ETS1: variants seen among roughly 807,000 people sequenced by gnomAD.
ETS1 encodes protein C-ets-1.
ETS1 carries 15 observed loss-of-function variants against 58.6 expected under a neutral mutation model. The ratio of observed to expected loss-of-function variants is 0.26; its 90% CI spans 0.17 to 0.39. The LOEUF is 0.39. ETS1 is among the 10% of genes least tolerant of loss of function. ETS1 has a pLI of 1.00. For missense variants in ETS1, 417 were observed against 610.5 expected (o/e 0.68, Z 3.34); for synonymous variants, 214 against 218.2 (o/e 0.98, Z 0.17).
intron 8 of ETS1, among the ~76,000 whole-genome samples, chr11:128,477,902 C>T (rs940889770): frequency 6.6e-6 from 1 of 152,092 alleles, no homozygotes; most frequent in Non-Finnish European, 1.5e-5. Context: ...AATTCAATTA[C>T]ACTTTCACAG....
intron 7 of ETS1, among the ~76,000 whole-genome samples, chr11:128,482,801 C>T (rs968676631): frequency 1.3e-5 from 2 of 152,078 alleles, no homozygotes; most frequent in African/African-American, 4.8e-5. Context: ...CTGAGAAGGG[C>T]CTCGGCGAGC....
intron 3 of ETS1, among the ~76,000 whole-genome samples, chr11:128,518,571 C>T (rs1421364613): frequency 6.6e-6 from 1 of 152,230 alleles, no homozygotes; most frequent in Non-Finnish European, 1.5e-5. Context: ...CACACAGCTG[C>T]TAAGTGGCCG....
intron 3 of ETS1, among the ~76,000 whole-genome samples, chr11:128,554,999 T>C (rs889828649): frequency 6.6e-6 from 1 of 152,178 alleles, no homozygotes; most frequent in Non-Finnish European, 1.5e-5. Flanking sequence ...TTTGTATTTA[T>C]GCTTAGAAGA....
chr11:128,559,563 T>C (rs1032263358), intron 2 of ETS1, among the ~76,000 whole-genome samples: 1 of 152,236 alleles, frequency 6.6e-6, no homozygotes, highest in African/African-American at 2.4e-5. Context: ...GTGGAGCCAC[T>C]GGATCCTATT....
chr11:128,585,078 GAAAGA>G (rs1864972387), intron 1 of ETS1, among the ~76,000 whole-genome samples: 2 of 17,618 alleles, frequency 1.1e-4, no homozygotes, highest in African/African-American at 5.8e-4. Flanking sequence ...GAAAGAAAGA[GAAAGA>G]AAGAAAGGAA....
chr11:128,577,835 T>A (rs150963882), intron 1 of ETS1, among the ~76,000 whole-genome samples: 3,020 of 151,034 alleles, frequency 0.02, 56 homozygotes, highest in Non-Finnish European at 0.027. Context: ...AATAAACGTG[T>A]GCAATGCTAA....
chr11:128,510,317 C>A (rs1440488158), intron 3 of ETS1, among the ~76,000 whole-genome samples: 1 of 152,226 alleles, frequency 6.6e-6, no homozygotes, highest in Non-Finnish European at 1.5e-5. Flanking sequence ...CTAGGAGCAT[C>A]CTTCTTGGAG....
At chr11:128,586,539 T>A (rs1367671620) in intron 1 of ETS1, among the ~76,000 whole-genome samples, 1 of 152,230 alleles carries the variant, frequency 6.6e-6, no homozygotes, top group Non-Finnish European at 1.5e-5. Context: ...CATTTTAGAA[T>A]TGGTATTTCC....
Position 128,480,268 on chromosome 11 carries a change from T to C in ETS1, c.1046A>G (p.Lys349Arg), listed in dbSNP as rs1225665990. Reference protein sequence around the residue: ...LPNHKPKGTFKDYVRDRADLN... With the variant: ...LPNHKPKGTFRDYVRDRADLN... Reference sequence around the variant, plus strand: ...GTCAGCACGGTCCCGCACATAGTCCTTGAAGGTGCCCTTGGGCTTGTGGTT... The same window carrying C: ...GTCAGCACGGTCCCGCACATAGTCCCTGAAGGTGCCCTTGGGCTTGTGGTT... Residue 349 changes from lysine to arginine, a missense_variant, in exon 8 of 10, where the codon AAG (lysine) becomes AGG (arginine). By Grantham distance (26) the Lys-to-Arg change is conservative. This residue lies in a region of ETS1 where 139 missense variants were observed against 152.1 expected (regional missense o/e 0.91). Transcript: ENST00000392668. The C allele has an allele frequency of 6.2e-7, 1 of 1,614,136 alleles. No individual in the cohort carries two copies. The highest frequency in any genetic ancestry group is 2.2e-5 in the East Asian group (1 of 44,848).
chr11:128,503,369 C>T (rs183352584), intron 3 of ETS1, among the ~76,000 whole-genome samples: 4 of 152,284 alleles, frequency 2.6e-5, no homozygotes, highest in East Asian at 1.9e-4. Context: ...GGATGCATCA[C>T]GTTCCTTCCC....
intron 3 of ETS1, among the ~76,000 whole-genome samples, chr11:128,528,503 C>T (rs1472152468): frequency 1.3e-5 from 2 of 152,170 alleles, no homozygotes; most frequent in African/African-American, 4.8e-5. Flanking sequence ...CTCAAGAGCA[C>T]ACTCCTAGTA....
intron 3 of ETS1, among the ~76,000 whole-genome samples, chr11:128,514,214 T>C (rs1488948282): frequency 6.6e-6 from 1 of 152,140 alleles, no homozygotes; most frequent in African/African-American, 2.4e-5. Flanking sequence ...ATACAGAGGT[T>C]TTAACAACAG....
At chr11:128,552,271 T>C (rs528191468) in intron 3 of ETS1, among the ~76,000 whole-genome samples, 1 of 152,304 alleles carries the variant, frequency 6.6e-6, no homozygotes, top group East Asian at 1.9e-4. Flanking sequence ...TAAATAGATG[T>C]CCTTTCTCAT....
intron 3 of ETS1, chr11:128,521,947 C>T (rs368728745): frequency 4.1e-5 from 66 of 1,607,290 alleles, no homozygotes; most frequent in Non-Finnish European, 5.3e-5. Flanking sequence ...CGACTTTTTC[C>T]GTCTTGATGA....
In ETS1 at chr11:128,514,990, A is replaced by C. The variant is rs558541941; in HGVS notation, c.215-24414T>G. Among the ~76,000 whole-genome samples the C allele has an allele frequency of 6.6e-5, 10 of 151,996 alleles. No homozygotes were observed. In the South Asian group the frequency reaches 2.1e-3, roughly 32 times the overall value. On this transcript the variant is annotated intron_variant, in intron 3 of 9. Coordinates refer to ENST00000392668, the MANE Select transcript of ETS1 (RefSeq NM_001143820.2). Reference sequence around the variant, plus strand: ...TCTTATTCTTGTCTTTTTTTAATTCAAAAAGAATTTTGCAATTGAATCCAC... The same window carrying C: ...TCTTATTCTTGTCTTTTTTTAATTCCAAAAGAATTTTGCAATTGAATCCAC...
At chr11:128,465,357 G>A (rs1425978829) in intron 8 of ETS1, among the ~76,000 whole-genome samples, 1 of 152,224 alleles carries the variant, frequency 6.6e-6, no homozygotes, top group East Asian at 1.9e-4. Context: ...TGGTAAAGCC[G>A]TAGCTTCCTC....
intron 7 of ETS1, among the ~76,000 whole-genome samples, chr11:128,481,119 C>A (rs2135442924): frequency 6.6e-6 from 1 of 151,628 alleles, no homozygotes; most frequent in African/African-American, 2.4e-5. Flanking sequence ...TTTAAAATCA[C>A]ACACACTATC....
chr11:128,504,352 C>T (rs1037560839), intron 3 of ETS1, among the ~76,000 whole-genome samples: 1 of 152,200 alleles, frequency 6.6e-6, no homozygotes, highest in Non-Finnish European at 1.5e-5. Context: ...CCCGCCCTCA[C>T]TATAGCTATA....
At chr11:128,490,624 A>ATGATTGGTTCATT in intron 3 of ETS1, 48 bp from the exon 4 acceptor site, 1 of 1,488,284 alleles carries the variant, frequency 6.7e-7, no homozygotes, top group Non-Finnish European at 9.3e-7. Flanking sequence ...ATAGGTAATG[A>ATGATTGGTTCATT]ACCAATCATA....
Sources: allele counts gnomAD v4.1 joint callset (sites outside exome capture counted in the v4.1 genomes callset), GRCh38; gene constraint gnomAD v4.1.1; regional missense constraint gnomAD v4.1.1; transcripts MANE v1.5; gene names NCBI Gene and HGNC (gene_info 2026-07-23, HGNC 2026-07-21).